The following ASTN1 variants were observed in gnomAD, a reference collection of about 807,000 sequenced individuals.
The protein encoded by ASTN1 is astrotactin 1.
Under a neutral mutation model 140.7 loss-of-function variants are expected in ASTN1, and 41 were observed. The ratio of observed to expected loss-of-function variants is 0.29; its 90% CI spans 0.23 to 0.38. ASTN1 has a LOEUF of 0.38. Among genes scored for constraint, ASTN1 ranks in the 10% least tolerant of loss-of-function variants. The pLI, the probability that ASTN1 is intolerant of heterozygous loss-of-function variation, is 1.00. For synonymous variants in ASTN1, 640 were observed against 652.2 expected (o/e 0.98, Z 0.29); for missense variants, 1,479 against 1,678.8 (o/e 0.88, Z 2.08).
chr1:176,985,013 C>A (rs918935578), intron 8 of ASTN1, among the ~76,000 whole-genome samples: 1 of 152,188 alleles, frequency 6.6e-6, no homozygotes, highest in African/African-American at 2.4e-5. Context: ...AGGACTCAAG[C>A]CCAGCTTCTA....
chr1:177,132,332 T>C (rs1244799680), intron 1 of ASTN1, among the ~76,000 whole-genome samples: 1 of 152,200 alleles, frequency 6.6e-6, no homozygotes, highest in Non-Finnish European at 1.5e-5. Flanking sequence ...CTATCTTCAA[T>C]TTGGACTTCG....
chr1:176,897,467 G>T (rs992688452), intron 16 of ASTN1, among the ~76,000 whole-genome samples: 17 of 151,966 alleles, frequency 1.1e-4, no homozygotes, highest in Admixed American at 1.1e-3. Flanking sequence ...TAACTGACCC[G>T]CAGCCCTCCT....
intron 1 of ASTN1, among the ~76,000 whole-genome samples, chr1:177,084,981 C>T (rs542092892): frequency 1.3e-5 from 2 of 152,182 alleles, no homozygotes; most frequent in South Asian, 4.2e-4. Flanking sequence ...TCTAACTGGA[C>T]CAAGAGCCTG....
At chr1:176,958,322 C>G in intron 10 of ASTN1, 23 bp downstream of exon 10, 2 of 1,613,380 alleles carry the variant, frequency 1.2e-6, no homozygotes, top group Non-Finnish European at 1.7e-6. Context: ...AATTGCAGGC[C>G]TCAGTCCTGA....
In ASTN1 at chr1:176,978,980, G is replaced by A. The variant is rs1673485875; in HGVS notation, c.1524-13743C>T. Among the ~76,000 whole-genome samples, 3 of 152,176 alleles carry A rather than the reference G, an allele frequency of 2.0e-5. No homozygotes were observed. The South Asian group carries it at 6.2e-4, about 32-fold the overall frequency. ...TCAGCAGCTGGCATGGCCAAGCTCT[G>A]TACTCTGGGGATACAGAGGTGAACA... On this transcript the variant is annotated intron_variant, in intron 8 of 22. Coordinates refer to ENST00000361833, the MANE Select transcript of ASTN1 (RefSeq NM_004319.3).
intron 1 of ASTN1, among the ~76,000 whole-genome samples, chr1:177,114,140 G>T (rs1379729924): frequency 3.3e-5 from 5 of 152,160 alleles, no homozygotes; most frequent in African/African-American, 1.2e-4. Flanking sequence ...TGCCTGGGTT[G>T]CTTCCTCACT....
At chr1:176,899,888 A>T (rs1313285236) in intron 16 of ASTN1, among the ~76,000 whole-genome samples, 1 of 152,218 alleles carries the variant, frequency 6.6e-6, no homozygotes, top group Non-Finnish European at 1.5e-5. Flanking sequence ...AATGCAATGG[A>T]TTAATAATTA....
intron 1 of ASTN1, among the ~76,000 whole-genome samples, chr1:177,143,581 G>C (rs2102228752): frequency 6.6e-6 from 1 of 152,278 alleles, no homozygotes; most frequent in Middle Eastern, 3.4e-3. Flanking sequence ...ATTCCGAAAT[G>C]TCATTCAAAT....
chr1:176,926,153 C>T (rs775908519), intron 16 of ASTN1, among the ~76,000 whole-genome samples: 4 of 152,046 alleles, frequency 2.6e-5, no homozygotes, highest in Non-Finnish European at 4.4e-5. Context: ...ATTTCTGTGA[C>T]CACATGCACA....
At chr1:176,973,278 C>T (rs539820524) in intron 8 of ASTN1, among the ~76,000 whole-genome samples, 30 of 152,288 alleles carry the variant, frequency 2.0e-4, no homozygotes, top group East Asian at 1.7e-3. Context: ...ATTCATTCTA[C>T]CACTGTTTTC....
At chr1:177,131,196 T>C (rs1483951875) in intron 1 of ASTN1, among the ~76,000 whole-genome samples, 1 of 152,188 alleles carries the variant, frequency 6.6e-6, no homozygotes. Flanking sequence ...TGGAAAGCCA[T>C]TTGGTAATAT....
chr1:176,995,438 T>C (rs1418269429), intron 8 of ASTN1, among the ~76,000 whole-genome samples: 2 of 152,062 alleles, frequency 1.3e-5, no homozygotes, highest in East Asian at 3.9e-4. Context: ...TAACAGTAAG[T>C]AGAAAGTAAT....
intron 16 of ASTN1, among the ~76,000 whole-genome samples, chr1:176,897,534 G>A (rs1231854643): frequency 6.6e-6 from 1 of 151,860 alleles, no homozygotes; most frequent in Non-Finnish European, 1.5e-5. Flanking sequence ...CCGCTAGATG[G>A]TGATATAAGT....
rs1182396270 is a variant in ASTN1, at chr1:176,901,350, G to A, written c.2672-6520C>T. Among the ~76,000 whole-genome samples the A allele has an allele frequency of 3.9e-5, 6 of 152,176 alleles. No individual in the cohort carries two copies. In the East Asian group the frequency reaches 5.8e-4, roughly 15 times the overall value. On this transcript the variant is annotated intron_variant, in intron 16 of 22. Coordinates refer to ENST00000361833, the MANE Select transcript of ASTN1 (RefSeq NM_004319.3). Reference sequence around the variant, plus strand: ...GGGAGCAGCCAGGTCTTGTGCTGAAGGGCAGACAGTGTGGTTCAATATGGT... The same window carrying A: ...GGGAGCAGCCAGGTCTTGTGCTGAAAGGCAGACAGTGTGGTTCAATATGGT...
intron 1 of ASTN1, among the ~76,000 whole-genome samples, chr1:177,125,009 A>G (rs227510): frequency 0.29 from 43,803 of 152,208 alleles, 10,706 homozygotes; most frequent in African/African-American, 0.67. Context: ...GGCAGAAGAT[A>G]GCAGTGCTGT....
chr1:176,899,056 G>A (rs1313748569), intron 16 of ASTN1, among the ~76,000 whole-genome samples: 1 of 152,154 alleles, frequency 6.6e-6, no homozygotes, highest in African/African-American at 2.4e-5. Flanking sequence ...GTCCAGTCAG[G>A]ACACTTCAGT....
intron 8 of ASTN1, among the ~76,000 whole-genome samples, chr1:177,003,795 A>G (rs2101918488): frequency 6.6e-6 from 1 of 151,644 alleles, no homozygotes; most frequent in East Asian, 1.9e-4. Context: ...CTGGGCAACA[A>G]GAGCAAGACT....
intron 9 of ASTN1, among the ~76,000 whole-genome samples, chr1:176,961,202 G>A (rs1268347928): frequency 1.3e-5 from 2 of 152,168 alleles, no homozygotes; most frequent in East Asian, 3.8e-4. Context: ...ATTTAAAGGT[G>A]GAAGCAAAGG....
At chr1:176,860,924 C>CTT, downstream of ASTN1, 1 of 289,300 alleles carries the variant, frequency 3.5e-6, no homozygotes, top group Non-Finnish European at 5.1e-6. Flanking sequence ...ATATTTGATT[C>CTT]TTTTTTTTTC....
Sources: gnomAD v4.1 joint callset for allele counts (sites outside exome capture counted in the v4.1 genomes callset) on GRCh38, gnomAD v4.1.1 for gene constraint, MANE v1.5 for transcripts, NCBI Gene and HGNC (gene_info 2026-07-23, HGNC 2026-07-21) for gene names.